Variants in NT5DC1 observed in about 807,000 individuals in gnomAD.
The protein encoded by NT5DC1 is 5'-nucleotidase domain-containing protein 1.
A neutral mutation model predicts 59.4 loss-of-function variants in NT5DC1; 42 were observed. The observed-to-expected ratio is 0.71, with a 90% CI of 0.55 to 0.92. The LOEUF (loss-of-function observed/expected upper bound fraction) is 0.92. NT5DC1 is among the 40% of genes least tolerant of loss of function. The pLI is 0.00. For synonymous variants in NT5DC1, 172 were observed against 188.1 expected, an observed-to-expected ratio of 0.91 and a Z score of 0.70; for missense variants, 501 against 537.1, an observed-to-expected ratio of 0.93 and a Z score of 0.66.
chr6:116,120,844 C>T lies in NT5DC1; in HGVS notation c.529+2899C>T, dbSNP rs749839210. ...GCATTCCCTTTGCTCCTGCTGGGCC[C>T]ACAGGGCCTGGGAGACCAGGAGGTC... On this transcript the variant is annotated intron_variant, in intron 6 of 11. Coordinates refer to ENST00000319550, the MANE Select transcript of NT5DC1 (RefSeq NM_152729.3). 6.2e-6 allele frequency: 10 copies of T among 1,614,014 alleles called. No individual in the cohort carries two copies. In the South Asian group the frequency reaches 1.1e-4, roughly 18 times the overall value.
At position 116,100,883 on chromosome 6, in the gene NT5DC1, C is replaced by T. The variant is rs1283371287; in HGVS notation, c.-48C>T. On this transcript the variant is annotated 5_prime_UTR_variant, in exon 1 of 12. Transcript: ENST00000319550. ...CCCGCAGCGTCCCGCCAGCCAGCTC[C>T]TTGCACCCTTCGCGGCCGAGGCGCT... 3 of 1,466,362 alleles carry T rather than the reference C, an allele frequency of 2.0e-6. No individual in the cohort carries two copies. Among genetic ancestry groups the T allele is most frequent in the African/African-American group, 2.9e-5 (2 of 68,940 alleles). 90.8% of individuals were successfully genotyped at this position (1,466,362 alleles called of 1,614,324 possible).
chr6:116,178,826 T>A (rs749725258), intron 6 of NT5DC1, among the ~76,000 whole-genome samples: 7 of 152,162 alleles, frequency 4.6e-5, no homozygotes, highest in Non-Finnish European at 8.8e-5. Context: ...AGCCCCCAAC[T>A]CCCAGTAAAT....
chr6:116,166,638 T>C (rs1480966944), intron 6 of NT5DC1, among the ~76,000 whole-genome samples: 6 of 152,202 alleles, frequency 3.9e-5, no homozygotes, highest in Admixed American at 3.3e-4. Context: ...CTTTTCTACA[T>C]GCTGATAAAA....
rs542219055 is a variant in NT5DC1 at position 116,171,230 on chromosome 6, CACTTA to C, written c.530-49818_530-49814del. The stretch of plus-strand genomic sequence containing the variant: ...CTTTTACATATTTTAATGTTTTAAT[CACTTA>C]ACTTATTTTTTAATTGCCAAGATTA... On this transcript the variant is annotated intron_variant, in intron 6 of 11. Transcript: ENST00000319550. Among the ~76,000 whole-genome samples, 1,315 of 152,190 alleles carry C rather than the reference CACTTA, an allele frequency of 8.6e-3. 20 individuals are homozygous for C. The highest frequency in any genetic ancestry group is 0.029 in the African/African-American group (1,190 of 41,514).
chr6:116,109,926 CCTT>C (rs1358639927), intron 3 of NT5DC1, among the ~76,000 whole-genome samples: 2 of 152,192 alleles, frequency 1.3e-5, no homozygotes, highest in African/African-American at 4.8e-5. Context: ...AGTAGTCCCT[CCTT>C]ATCCTCGGAG....
chr6:116,202,756 T>A (rs924657934), intron 6 of NT5DC1, among the ~76,000 whole-genome samples: 1 of 152,034 alleles, frequency 6.6e-6, no homozygotes, highest in Non-Finnish European at 1.5e-5. Flanking sequence ...ATTAAAATAT[T>A]AAGACAATGA....
At position 116,127,422 on chromosome 6, in the gene NT5DC1, G is replaced by A. The variant is rs1361089960; in HGVS notation, c.529+9477G>A. On this transcript the variant is annotated intron_variant, in intron 6 of 11. Coordinates refer to ENST00000319550, the MANE Select transcript of NT5DC1 (RefSeq NM_152729.3). The stretch of plus-strand genomic sequence containing the variant: ...AATTTACATTGTTGTATATATCTCT[G>A]TATAATACTCATAGATACATATAAA... Among the ~76,000 whole-genome samples, 3 of 152,056 alleles carry A rather than the reference G, an allele frequency of 2.0e-5. No homozygotes were observed. In the East Asian group the frequency reaches 5.8e-4, roughly 29 times the overall value.
At chr6:116,105,724 A>AT (rs34804597) in intron 1 of NT5DC1, among the ~76,000 whole-genome samples, 3,176 of 146,224 alleles carry the variant, frequency 0.022, 47 homozygotes, top group African/African-American at 0.03. Flanking sequence ...TTGTCTTTAG[A>AT]TTTTTTTTTT....
At chr6:116,180,592 T>C (rs1354502740) in intron 6 of NT5DC1, among the ~76,000 whole-genome samples, 2 of 152,068 alleles carry the variant, frequency 1.3e-5, no homozygotes, top group Non-Finnish European at 2.9e-5. Context: ...CATGATGTGA[T>C]GCAATAAGAA....
chr6:116,163,379 G>T (rs1411176008), intron 6 of NT5DC1, among the ~76,000 whole-genome samples: 2 of 151,498 alleles, frequency 1.3e-5, no homozygotes, highest in African/African-American at 4.8e-5. Flanking sequence ...AAATTTATTT[G>T]TTTCCTCTAA....
chr6:116,186,133 A>G (rs1227553434), intron 6 of NT5DC1, among the ~76,000 whole-genome samples: 2 of 152,084 alleles, frequency 1.3e-5, no homozygotes, highest in African/African-American at 4.8e-5. Context: ...TATGAAGCTT[A>G]GTTTCACTGG....
At chr6:116,124,307 G>C (rs1779226807) in intron 6 of NT5DC1, among the ~76,000 whole-genome samples, 1 of 151,984 alleles carries the variant, frequency 6.6e-6, no homozygotes, top group African/African-American at 2.4e-5. Flanking sequence ...TTATGGAAAG[G>C]GAGTTTGAAG....
chr6:116,229,268 G>A (rs1433314322), intron 8 of NT5DC1, among the ~76,000 whole-genome samples: 5 of 152,040 alleles, frequency 3.3e-5, no homozygotes, highest in Non-Finnish European at 5.9e-5. Flanking sequence ...TCTCAGGTTT[G>A]TCCTCACTAC....
chr6:116,155,780 G>C (rs1005454735), intron 6 of NT5DC1, among the ~76,000 whole-genome samples: 4 of 150,552 alleles, frequency 2.7e-5, no homozygotes, highest in African/African-American at 9.8e-5. Context: ...AAAGAGGGAG[G>C]AAGTTGTGTG....
intron 6 of NT5DC1, among the ~76,000 whole-genome samples, chr6:116,161,124 A>G: frequency 6.8e-6 from 1 of 146,828 alleles, no homozygotes; most frequent in South Asian, 2.2e-4. Context: ...TCTCACTCAT[A>G]GGTGGGAATT....
chr6:116,112,864 A>G (rs768908365), intron 4 of NT5DC1, among the ~76,000 whole-genome samples: 13 of 152,196 alleles, frequency 8.5e-5, no homozygotes, highest in Non-Finnish European at 1.6e-4. Flanking sequence ...AGTTGATTTT[A>G]TATTTGTAGC....
At chr6:116,156,372 G>A (rs1780193841) in intron 6 of NT5DC1, among the ~76,000 whole-genome samples, 2 of 152,058 alleles carry the variant, frequency 1.3e-5, no homozygotes, top group Admixed American at 6.6e-5. Flanking sequence ...TAGTTAGTTT[G>A]CTGGTTTAAT....
chr6:116,218,420 C>A (rs969332919), intron 6 of NT5DC1, among the ~76,000 whole-genome samples: 1 of 152,048 alleles, frequency 6.6e-6, no homozygotes, highest in Non-Finnish European at 1.5e-5. Context: ...CCATAAAATT[C>A]TTCTTGCTAC....
At chr6:116,158,223 A>G (rs1394162179) in intron 6 of NT5DC1, among the ~76,000 whole-genome samples, 3 of 152,054 alleles carry the variant, frequency 2.0e-5, no homozygotes, top group African/African-American at 7.2e-5. Flanking sequence ...ATTACAAGTG[A>G]GTGTAGATCT....
Sources: gnomAD v4.1 joint callset for allele counts (sites outside exome capture counted in the v4.1 genomes callset) on GRCh38, gnomAD v4.1.1 for gene constraint, MANE v1.5 for transcripts, NCBI Gene and HGNC (gene_info 2026-07-23, HGNC 2026-07-21) for gene names.